GTPBP4: variants seen among roughly 807,000 people sequenced by gnomAD.
The protein encoded by GTPBP4 is GTP binding protein 4.
A neutral mutation model predicts 81.7 loss-of-function variants in GTPBP4; 15 were observed. The observed-to-expected ratio is 0.18, with a 90% CI of 0.12 to 0.28. GTPBP4 has a LOEUF of 0.28. Among genes scored for constraint, GTPBP4 ranks in the 10% least tolerant of loss-of-function variants. GTPBP4 has a pLI of 1.00. For missense variants in GTPBP4, 847 were observed against 793.8 expected (o/e 1.07, Z -0.81); for synonymous variants, 272 against 274.6 (o/e 0.99, Z 0.09).
At chr10:1,009,709 G>A (rs1402647837) in intron 12 of GTPBP4, 129 bp downstream of exon 12, 5 of 705,498 alleles carry the variant, frequency 7.1e-6, no homozygotes, top group Non-Finnish European at 1.3e-5. Context: ...ATTTCTTGAA[G>A]ATTAAAAGTT....
At chr10:1,003,435 A>G (rs1023070872) in intron 8 of GTPBP4, among the ~76,000 whole-genome samples, 8 of 152,166 alleles carry the variant, frequency 5.3e-5, no homozygotes, top group African/African-American at 1.7e-4. Context: ...GAGAGTTAAT[A>G]TTCCTTTCAT....
intron 2 of GTPBP4, among the ~76,000 whole-genome samples, chr10:994,701 G>A (rs754139161): frequency 2.0e-5 from 3 of 152,166 alleles, no homozygotes; most frequent in Non-Finnish European, 2.9e-5. Flanking sequence ...CATCCTCAGT[G>A]TTATAGCCAT....
intron 14 of GTPBP4, among the ~76,000 whole-genome samples, chr10:1,014,026 C>T (rs1240803854): frequency 2.0e-5 from 3 of 152,290 alleles, no homozygotes; most frequent in African/African-American, 7.2e-5. Flanking sequence ...GTGGAGGATA[C>T]GCTGATTCTT....
intron 4 of GTPBP4, 80 bp downstream of exon 4, chr10:996,322 T>C: frequency 7.8e-7 from 1 of 1,288,258 alleles, no homozygotes; most frequent in Non-Finnish European, 1.1e-6. Context: ...GAGATGTCTG[T>C]TTTTCTTGTA....
intron 1 of GTPBP4, among the ~76,000 whole-genome samples, chr10:990,940 A>G (rs1385222277): frequency 6.6e-6 from 1 of 151,820 alleles, no homozygotes; most frequent in African/African-American, 2.4e-5. Flanking sequence ...GGTGCAGAAG[A>G]ACGTAGAGAA....
intron 12 of GTPBP4, 95 bp from the exon 13 acceptor site, chr10:1,010,325 G>A (rs138957108): frequency 1.7e-5 from 12 of 701,466 alleles, no homozygotes; most frequent in South Asian, 8.0e-5. Context: ...CAGTGGAGTC[G>A]TTGATTTGCC....
At chr10:992,355 G>T in intron 1 of GTPBP4, 134 bp from the exon 2 acceptor site, 1 of 561,292 alleles carries the variant, frequency 1.8e-6, no homozygotes, top group Non-Finnish European at 3.2e-6. Context: ...AGCCGAGATC[G>T]TGCCACTGCA....
rs1831752039 is a variant in GTPBP4, at chr10:1,007,028, G to A, written c.1013G>A (p.Arg338Lys). ...TTTTTACGTTATTAGGCTTGCGATA[G>A]GCTTTTGGCTCATCGAGTGGAAACC... ...VIKVKTEACD[R>K]LLAHRVETKM... The change falls in exon 10 of 17, where the codon AGG (arginine) becomes AAG (lysine). Residue 338 changes from arginine to lysine, a missense_variant. By Grantham distance (26) the Arg-to-Lys change is conservative. Transcript: ENST00000360803. The A allele has an allele frequency of 6.2e-7, 1 of 1,607,492 alleles. No individual in the cohort carries two copies.
In GTPBP4 at chr10:998,005, C is replaced by T. The variant is rs191459776; in HGVS notation, c.561+697C>T. 1.4e-4 allele frequency among the ~76,000 whole-genome samples: 21 copies of T among 152,316 alleles called. No homozygotes were observed. The East Asian group carries it at 3.3e-3, about 24-fold the overall frequency. On this transcript the variant is annotated intron_variant, in intron 5 of 16. Coordinates refer to ENST00000360803, the MANE Select transcript of GTPBP4 (RefSeq NM_012341.3). The stretch of plus-strand genomic sequence containing the variant: ...TAAAATGTGAATTTACAACCAGCAA[C>T]AGCTCATGTGCCAAGAAAATGGTCA...
At chr10:996,957 G>A in intron 4 of GTPBP4, 1 of 464,618 alleles carries the variant, frequency 2.2e-6, no homozygotes, top group Non-Finnish European at 3.8e-6. Context: ...GTCACCTAAT[G>A]AATTAAAACG....
At chr10:1,006,002 T>C (rs975483995) in intron 9 of GTPBP4, 95 bp downstream of exon 9, 11 of 714,114 alleles carry the variant, frequency 1.5e-5, no homozygotes, top group Non-Finnish European at 2.4e-5. Context: ...TTCTAGACAT[T>C]GTTAACACTT....
At chr10:1,001,070 C>T in intron 8 of GTPBP4, 57 bp downstream of exon 8, 1 of 1,223,974 alleles carries the variant, frequency 8.2e-7, no homozygotes, top group Non-Finnish European at 1.2e-6. Context: ...ATTCTCATCT[C>T]AGACAACCAA....
At chr10:1,011,376 C>T (rs565772006) in intron 13 of GTPBP4, among the ~76,000 whole-genome samples, 9 of 138,218 alleles carry the variant, frequency 6.5e-5, no homozygotes, top group African/African-American at 2.4e-4. Context: ...TAGACCGTGT[C>T]CTCCATTAGT....
intron 6 of GTPBP4, 135 bp downstream of exon 6, chr10:999,230 T>G: frequency 1.6e-6 from 1 of 622,130 alleles, no homozygotes; most frequent in Non-Finnish European, 2.9e-6. Context: ...GTGATTCTCC[T>G]GCCTCAGCCT....
intron 12 of GTPBP4, 139 bp from the exon 13 acceptor site, chr10:1,010,281 C>G: frequency 1.6e-6 from 1 of 621,132 alleles, no homozygotes; most frequent in South Asian, 2.0e-5. Context: ...GTTGATGCTG[C>G]TGCATGTGGA....
In GTPBP4 at chr10:997,291, TC is replaced by T; in HGVS notation, c.546del (p.Ser183AlafsTer6). On this transcript the variant is annotated frameshift_variant, in exon 5 of 17. Coordinates refer to ENST00000360803, the MANE Select transcript of GTPBP4 (RefSeq NM_012341.3). LOFTEE classifies it high-confidence loss of function. The stretch of plus-strand genomic sequence containing the variant: ...GTGTGGGTACCCAAATGTTGGGAAG[TC>T]CAGCTTCATCAACAAGGTTGGTCTG... Reference protein sequence around the residue: ...LLCGYPNVGKSSFINKVTRAD... With the variant: ...LLCGYPNVGKXSFINKVTRAD... The T allele has an allele frequency of 6.3e-7, 1 of 1,578,762 alleles. No homozygotes were observed. The highest frequency in any genetic ancestry group is 8.7e-7 in the Non-Finnish European group (1 of 1,147,720).
intron 14 of GTPBP4, among the ~76,000 whole-genome samples, chr10:1,013,574 C>G (rs1405447222): frequency 6.6e-6 from 1 of 152,008 alleles, no homozygotes; most frequent in African/African-American, 2.4e-5. Context: ...TGTGCCAGTG[C>G]ACTCCAGCCT....
intron 6 of GTPBP4, 33 bp from the exon 7 acceptor site, chr10:1,000,642 AGT>A: frequency 7.5e-7 from 1 of 1,327,150 alleles, no homozygotes; most frequent in South Asian, 1.7e-5. Flanking sequence ...CTTGTGGGTG[AGT>A]GTGCTTTCAG....
chr10:1,016,023 C>T, intron 16 of GTPBP4, 127 bp downstream of exon 16: 1 of 860,176 alleles, frequency 1.2e-6, no homozygotes, highest in East Asian at 2.5e-5. Context: ...ACTGCATGCC[C>T]TCGTTTTGTG....
Sources: gnomAD v4.1 joint callset for allele counts (sites outside exome capture counted in the v4.1 genomes callset) on GRCh38, gnomAD v4.1.1 for gene constraint, MANE v1.5 for transcripts, NCBI Gene and HGNC (gene_info 2026-07-23, HGNC 2026-07-21) for gene names.